Variants in RRBP1 observed in about 807,000 individuals in gnomAD.
RRBP1 encodes ribosome binding protein 1, also known as ribosome-binding protein 1.
A neutral mutation model predicts 165.2 loss-of-function variants in RRBP1; 94 were observed. That is an observed-to-expected ratio of 0.57 (90% CI 0.48 to 0.68). The LOEUF (loss-of-function observed/expected upper bound fraction) is 0.68, where lower values mean the gene tolerates loss of function less well. Among genes scored for constraint, RRBP1 ranks in the 30% least tolerant of loss-of-function variants. The pLI is 0.00. For synonymous variants in RRBP1, 680 were observed against 714.5 expected (o/e 0.95, Z 0.77); for missense variants, 1,676 against 1,763.0 (o/e 0.95, Z 0.88).
chr20:17,625,333 G>C (rs1157073530), intron 12 of RRBP1, among the ~76,000 whole-genome samples, 179 bp downstream of exon 12: 1 of 152,090 alleles, frequency 6.6e-6, no homozygotes, highest in Non-Finnish European at 1.5e-5. Context: ...GTCTTTGGCG[G>C]AACTCAGGGG....
chr20:17,619,476 C>A, intron 19 of RRBP1, 157 bp downstream of exon 19: 1 of 535,200 alleles, frequency 1.9e-6, no homozygotes, highest in Non-Finnish European at 3.2e-6. Flanking sequence ...CCTGACAGCC[C>A]AACGAGGGGC....
At chr20:17,676,781 C>G (rs1372439998) in intron 2 of RRBP1, among the ~76,000 whole-genome samples, 10 of 152,106 alleles carry the variant, frequency 6.6e-5, no homozygotes, top group Non-Finnish European at 7.4e-5. Context: ...GACAGAGTCT[C>G]ACTCTGTCGC....
At chr20:17,640,513 G>A (rs1224196088) in intron 5 of RRBP1, among the ~76,000 whole-genome samples, 2 of 152,130 alleles carry the variant, frequency 1.3e-5, no homozygotes, top group Non-Finnish European at 2.9e-5. Flanking sequence ...GCTTGATGGG[G>A]GTCCTCACAG....
chr20:17,643,144 A>G lies in RRBP1; in HGVS notation c.1913-17T>C, dbSNP rs199535955. ...CTGGGGGCCCTGTGCAGCAAGAGGG[A>G]AAGAGCTGAGACTTAGGCCCATAAG... On this transcript the variant is annotated splice_polypyrimidine_tract_variant and intron_variant, in intron 3 of 24. Coordinates refer to ENST00000377813, the MANE Select transcript of RRBP1 (RefSeq NM_001365613.2). This position sits in a 1 kb window ranked among gnomAD's most constrained non-coding sequence, Gnocchi z 4.3. 6.2e-4 allele frequency: 998 copies of G among 1,612,528 alleles called. 1 individual carries two copies. The highest frequency in any genetic ancestry group is 4.1e-3 in the African/African-American group (306 of 75,038).
chr20:17,652,488 G>A (rs1008152157), intron 3 of RRBP1, among the ~76,000 whole-genome samples: 3 of 152,000 alleles, frequency 2.0e-5, no homozygotes, highest in African/African-American at 7.2e-5. Context: ...CCACACCGGT[G>A]ATCTAGAACC....
At chr20:17,628,049 C>T (rs1431077999) in intron 9 of RRBP1, among the ~76,000 whole-genome samples, 1 of 152,104 alleles carries the variant, frequency 6.6e-6, no homozygotes, top group Non-Finnish European at 1.5e-5. Context: ...TAGGTGGACC[C>T]CACTGCCACA....
intron 2 of RRBP1, among the ~76,000 whole-genome samples, chr20:17,677,518 TC>T (rs1199692614): frequency 6.6e-6 from 1 of 152,102 alleles, no homozygotes; most frequent in African/African-American, 2.4e-5. Flanking sequence ...CAAAAATTAT[TC>T]CCCAGTACTG....
chr20:17,676,165 C>T (rs893804728), intron 2 of RRBP1, among the ~76,000 whole-genome samples: 3 of 152,124 alleles, frequency 2.0e-5, no homozygotes, highest in Non-Finnish European at 2.9e-5. Flanking sequence ...GCAGTGATTG[C>T]GCCACTGTAC....
chr20:17,640,641 G>A (rs1038118699), intron 5 of RRBP1, among the ~76,000 whole-genome samples: 3 of 152,156 alleles, frequency 2.0e-5, no homozygotes, highest in Admixed American at 6.5e-5. Context: ...AGTGGTCTCC[G>A]AGGAGGCTGG....
intron 12 of RRBP1, 53 bp from the exon 13 acceptor site, chr20:17,624,721 C>T (rs1406234764): frequency 2.2e-6 from 3 of 1,334,240 alleles, no homozygotes; most frequent in South Asian, 1.3e-5. Context: ...GCACGGGCTG[C>T]CTAAGCTGGT....
chr20:17,650,767 T>C (rs1461751535), intron 3 of RRBP1, among the ~76,000 whole-genome samples: 2 of 152,318 alleles, frequency 1.3e-5, no homozygotes, highest in East Asian at 3.9e-4. Context: ...TTCCAGGTGC[T>C]GGGTGGGACA....
intron 8 of RRBP1, among the ~76,000 whole-genome samples, chr20:17,632,572 G>C (rs924429312): frequency 6.6e-6 from 1 of 152,046 alleles, no homozygotes; most frequent in Non-Finnish European, 1.5e-5. Flanking sequence ...TTAAAATTTC[G>C]TGTCTGTTCT....
chr20:17,626,494 C>G (rs1047730267), intron 11 of RRBP1, among the ~76,000 whole-genome samples: 11 of 152,222 alleles, frequency 7.2e-5, no homozygotes, highest in Non-Finnish European at 7.3e-5. Flanking sequence ...GCTGCCTCTG[C>G]TGAGAGGCAC....
At chr20:17,636,850 T>TA in intron 5 of RRBP1, 121 bp from the exon 6 acceptor site, 1 of 1,253,698 alleles carries the variant, frequency 8.0e-7, no homozygotes, top group East Asian at 2.4e-5. Flanking sequence ...CCCCTCCTGC[T>TA]GGCCGGGTTC....
At chr20:17,626,720 A>G (rs1348039677) in intron 11 of RRBP1, among the ~76,000 whole-genome samples, 1 of 151,976 alleles carries the variant, frequency 6.6e-6, no homozygotes. Flanking sequence ...TGATGGTCAC[A>G]AGGACTCCGG....
In RRBP1 at chr20:17,643,125, G is replaced by A. The variant is rs143378274; in HGVS notation, c.1915C>T (p.Pro639Ser). 2.2e-3 allele frequency: 3,487 copies of A among 1,613,658 alleles called. 6 individuals carry two copies. Among genetic ancestry groups the A allele is most frequent in the Middle Eastern group, 4.9e-3 (30 of 6,062 alleles). ...SGSKKKGEPG[P>S]PDADGPLYLP... ...TAGAGAGGGCCGTCGGCATCTGGGG[G>A]CCCTGTGCAGCAAGAGGGAAAGAGC... The change falls in exon 4 of 25, where the codon CCC becomes TCC. Residue 639 changes from proline (P) to serine (S), a missense_variant and splice_region_variant. By Grantham distance (74) the Pro-to-Ser change is moderately conservative. Coordinates refer to ENST00000377813, the MANE Select transcript of RRBP1 (RefSeq NM_001365613.2). This position sits in a 1 kb window ranked among gnomAD's most constrained non-coding sequence, Gnocchi z 4.3.
intron 3 of RRBP1, among the ~76,000 whole-genome samples, chr20:17,644,710 T>A (rs2036431873): frequency 6.6e-6 from 1 of 152,238 alleles, no homozygotes; most frequent in African/African-American, 2.4e-5. Context: ...CATGTGTGGC[T>A]ACTGGGCACC....
At chr20:17,621,060 G>A (rs1163560694) in intron 16 of RRBP1, among the ~76,000 whole-genome samples, 1 of 152,194 alleles carries the variant, frequency 6.6e-6, no homozygotes, top group Non-Finnish European at 1.5e-5. Flanking sequence ...TAGGATGCTT[G>A]TTACTGCCGG....
rs2036413983 is a variant in RRBP1, at chr20:17,643,858, C to A, written c.1913-731G>T. ...TTCTGAAAAACTAAAACTGCCGACACCCCCCACGCCCCTCCCCACACACAT... is the reference window on the plus strand; with the variant it reads ...TTCTGAAAAACTAAAACTGCCGACAACCCCCACGCCCCTCCCCACACACAT... On this transcript the variant is annotated intron_variant, in intron 3 of 24. Coordinates refer to ENST00000377813, the MANE Select transcript of RRBP1 (RefSeq NM_001365613.2). This position sits in a 1 kb window ranked among gnomAD's most constrained non-coding sequence, Gnocchi z 4.3. Among the ~76,000 whole-genome samples the A allele has an allele frequency of 6.6e-6, 1 of 152,126 alleles. No homozygotes were observed. Among genetic ancestry groups the A allele is most frequent in the Admixed American group, 6.6e-5 (1 of 15,266 alleles).
Sources: allele counts gnomAD v4.1 joint callset (sites outside exome capture counted in the v4.1 genomes callset), GRCh38; gene constraint gnomAD v4.1.1; non-coding constraint Gnocchi (gnomAD v3.1); transcripts MANE v1.5; gene names NCBI Gene and HGNC (gene_info 2026-07-23, HGNC 2026-07-21).